TANC2: variants seen among roughly 807,000 people sequenced by gnomAD.
TANC2 encodes the protein protein TANC2.
TANC2 carries 26 observed loss-of-function variants against 210.5 expected under a neutral mutation model. The ratio of observed to expected loss-of-function variants is 0.12; its 90% CI spans 0.09 to 0.17. TANC2 has a LOEUF of 0.17. TANC2 is among the 10% of genes least tolerant of loss of function. The probability of loss-of-function intolerance (pLI) is 1.00; values close to 1 mark genes in which losing one functional copy is unlikely to be tolerated. For synonymous variants in TANC2, 931 were observed against 967.1 expected (o/e 0.96, Z 0.69); for missense variants, 2,129 against 2,608.9 (o/e 0.82, Z 4.01).
At chr17:63,146,200 T>C (rs552083278) in intron 4 of TANC2, among the ~76,000 whole-genome samples, 68 of 152,286 alleles carry the variant, frequency 4.5e-4, no homozygotes, top group African/African-American at 1.5e-3. Context: ...AGGTTTTTTT[T>C]CTCAGATTGT....
intron 4 of TANC2, among the ~76,000 whole-genome samples, chr17:63,145,342 A>G (rs531869761): frequency 3.6e-4 from 55 of 152,276 alleles, no homozygotes; most frequent in African/African-American, 1.2e-3. Flanking sequence ...CAGAAAATTC[A>G]TGATATTCAA....
intron 1 of TANC2, among the ~76,000 whole-genome samples, chr17:62,990,445 G>GTT (rs150742684): frequency 6.7e-6 from 1 of 149,352 alleles, no homozygotes; most frequent in Non-Finnish European, 1.5e-5. Context: ...GCTGGCTAAT[G>GTT]TTTTTTTTTT....
At chr17:63,108,996 A>T (rs945497575) in intron 4 of TANC2, among the ~76,000 whole-genome samples, 8 of 151,628 alleles carry the variant, frequency 5.3e-5, no homozygotes, top group African/African-American at 1.9e-4. Flanking sequence ...ATAACTTTTT[A>T]AAATAACTTT....
intron 3 of TANC2, among the ~76,000 whole-genome samples, chr17:63,095,660 G>T (rs1194753511): frequency 6.6e-6 from 1 of 151,980 alleles, no homozygotes; most frequent in Non-Finnish European, 1.5e-5. Context: ...GCCCAACCTA[G>T]ATCAGCTGAC....
At chr17:62,970,319 CTA>C (rs1459274700) in intron 1 of TANC2, among the ~76,000 whole-genome samples, 2 of 152,158 alleles carry the variant, frequency 1.3e-5, no homozygotes, top group Admixed American at 1.3e-4. Flanking sequence ...TACACTCAGA[CTA>C]TGCTTTGTAT....
intron 7 of TANC2, among the ~76,000 whole-genome samples, chr17:63,232,992 A>G (rs1367515118): frequency 3.3e-5 from 5 of 152,306 alleles, no homozygotes; most frequent in Admixed American, 3.3e-4. Context: ...GCCAGTGAGG[A>G]GGGATGGGTC....
intron 4 of TANC2, among the ~76,000 whole-genome samples, chr17:63,107,480 A>G (rs545760385): frequency 3.3e-5 from 5 of 151,922 alleles, no homozygotes; most frequent in Admixed American, 3.3e-4. Flanking sequence ...ATCAAAATGT[A>G]TAAAGTTATC....
At chr17:63,170,436 A>G (rs1431524292) in intron 5 of TANC2, among the ~76,000 whole-genome samples, 1 of 143,148 alleles carries the variant, frequency 7.0e-6, no homozygotes, top group East Asian at 2.0e-4. Context: ...ATTCCATTTA[A>G]AAAAAAAAAA....
intron 5 of TANC2, among the ~76,000 whole-genome samples, chr17:63,168,098 T>C (rs760421480): frequency 2.0e-5 from 3 of 152,096 alleles, no homozygotes; most frequent in Non-Finnish European, 4.4e-5. Flanking sequence ...CCAGATACGA[T>C]GGCTCGTGCC....
intron 1 of TANC2, among the ~76,000 whole-genome samples, chr17:62,996,999 T>TTTTTTTTTTTTTTTTTG (rs1241944607): frequency 5.6e-5 from 8 of 144,132 alleles, no homozygotes; most frequent in South Asian, 2.2e-4. Context: ...ATTTTTAGTA[T>TTTTTTTTTTTTTTTTTG]AGATGGGGTT....
At chr17:63,310,146 A>T (rs188475365) in intron 9 of TANC2, among the ~76,000 whole-genome samples, 1 of 152,172 alleles carries the variant, frequency 6.6e-6, no homozygotes, top group Non-Finnish European at 1.5e-5. Context: ...CAACTTTCAC[A>T]AATTAAAATA....
At chr17:63,250,918 G>A (rs965951436) in intron 8 of TANC2, among the ~76,000 whole-genome samples, 12 of 152,096 alleles carry the variant, frequency 7.9e-5, no homozygotes, top group African/African-American at 2.9e-4. Context: ...TAATAGAAAC[G>A]TTGTTGAAGC....
intron 1 of TANC2, among the ~76,000 whole-genome samples, chr17:62,979,242 A>C (rs1349165851): frequency 3.9e-5 from 6 of 152,142 alleles, no homozygotes; most frequent in Admixed American, 2.6e-4. Flanking sequence ...TATCATGAGA[A>C]ACCCAATGCT....
At chr17:63,427,285 A>T (rs1394971440) in exon 28 of TANC2, 1 of 152,252 alleles carries the variant, frequency 6.6e-6, no homozygotes, top group African/African-American at 2.4e-5. Flanking sequence ...TATGATTTTG[A>T]TTCTTCCTCC....
chr17:63,382,729 G>A (rs2047652493), intron 15 of TANC2, among the ~76,000 whole-genome samples: 1 of 151,898 alleles, frequency 6.6e-6, no homozygotes, highest in African/African-American at 2.4e-5. Flanking sequence ...AAATGTGTTG[G>A]GATTTAGCAC....
chr17:63,351,406 C>A (rs376258048), exon 13 of TANC2: 1 of 1,604,094 alleles, frequency 6.2e-7, no homozygotes, highest in Non-Finnish European at 8.5e-7. Flanking sequence ...ACAGTTAGGA[C>A]CAGTTTACAG....
chr17:63,317,592 A>G (rs2045355607), intron 10 of TANC2, among the ~76,000 whole-genome samples: 1 of 152,192 alleles, frequency 6.6e-6, no homozygotes. Context: ...TGTTTCTATC[A>G]CTAAAAGTCT....
chr17:63,389,593 C>T (rs953486714), intron 17 of TANC2, 49 bp downstream of exon 17: 29 of 1,490,304 alleles, frequency 1.9e-5, no homozygotes, highest in African/African-American at 6.9e-5. Context: ...TCTTTATTTT[C>T]GATGCATACT....
intron 11 of TANC2, among the ~76,000 whole-genome samples, chr17:63,337,548 C>G (rs2046075074): frequency 6.6e-6 from 1 of 151,528 alleles, no homozygotes; most frequent in Non-Finnish European, 1.5e-5. Context: ...GTGCTACCCA[C>G]AATCACTCGT....
Sources: allele counts gnomAD v4.1 joint callset (sites outside exome capture counted in the v4.1 genomes callset), GRCh38; gene constraint gnomAD v4.1.1; transcripts MANE v1.5; gene names NCBI Gene and HGNC (gene_info 2026-07-23, HGNC 2026-07-21).